SLC24A2: variants seen among roughly 807,000 people sequenced by gnomAD.
The protein encoded by SLC24A2 is sodium/potassium/calcium exchanger 2.
In SLC24A2, 36 loss-of-function variants were observed where a neutral mutation model predicts 62.0. The observed-to-expected ratio is 0.58, with a 90% CI of 0.44 to 0.77. The LOEUF is 0.77. SLC24A2 is among the 30% of genes least tolerant of loss of function. SLC24A2 has a pLI of 0.00. For synonymous variants in SLC24A2, 358 were observed against 294.0 expected (o/e 1.22, Z -2.23); for missense variants, 846 against 817.9 (o/e 1.03, Z -0.42).
chr9:20,258,331 G>C, the SLC24A2 span, among the ~76,000 whole-genome samples: 1 of 152,224 alleles, frequency 6.6e-6, no homozygotes, highest in African/African-American at 2.4e-5. Flanking sequence ...GAGAAACACA[G>C]GTGGTTTGGC....
At chr9:19,922,381 G>A in the SLC24A2 span, among the ~76,000 whole-genome samples, 1 of 152,106 alleles carries the variant, frequency 6.6e-6, no homozygotes, top group African/African-American at 2.4e-5. Context: ...TCTCTGATTT[G>A]CAGACATGCA....
the SLC24A2 span, among the ~76,000 whole-genome samples, chr9:19,837,979 A>C: frequency 6.6e-6 from 1 of 151,714 alleles, no homozygotes; most frequent in African/African-American, 2.4e-5. Context: ...ATATCGTGAA[A>C]ATGGCCATAC....
chr9:20,184,823 A>T, the SLC24A2 span, among the ~76,000 whole-genome samples: 1 of 152,176 alleles, frequency 6.6e-6, no homozygotes, highest in East Asian at 1.9e-4. Context: ...CTGCAGTGTT[A>T]TTCATGATAG....
the SLC24A2 span, among the ~76,000 whole-genome samples, chr9:20,237,000 C>T: frequency 2.0e-5 from 3 of 152,022 alleles, no homozygotes; most frequent in African/African-American, 7.2e-5. Flanking sequence ...AATAAGCAAG[C>T]AGAAGCCAGG....
At chr9:19,568,098 A>T (rs1403053259) in intron 7 of SLC24A2, among the ~76,000 whole-genome samples, 1 of 152,168 alleles carries the variant, frequency 6.6e-6, no homozygotes, top group Non-Finnish European at 1.5e-5. Flanking sequence ...TGCGCACCTC[A>T]CTCTTAACGG....
rs71335440 is a variant in SLC24A2, at chr9:19,642,671, CTTTT to C, written c.931-20376_931-20373del. On this transcript the variant is annotated intron_variant, in intron 2 of 10. Transcript: ENST00000341998. ...AGAATGGTTTATATGAGAGCGTATT[CTTTT>C]TTTTTTTTTTTTTTTTTTTTTTTGA... 2.7e-3 allele frequency among the ~76,000 whole-genome samples: 215 copies of C among 79,842 alleles called. 32 individuals carry two copies. Among genetic ancestry groups the C allele is most frequent in the Middle Eastern group, 0.016 (2 of 122 alleles). 52.4% of individuals were successfully genotyped at this position (79,842 alleles called of 152,430 possible). A position where few individuals can be genotyped will look rare whatever the true frequency, so the allele number is the denominator to read the frequency against.
the SLC24A2 span, among the ~76,000 whole-genome samples, chr9:20,092,954 T>C: frequency 1.3e-5 from 2 of 152,204 alleles, no homozygotes; most frequent in African/African-American, 4.8e-5. Context: ...TTCTTTTTTA[T>C]AGAATGAAAT....
At chr9:19,793,150 A>G (rs1483746965), upstream of SLC24A2, among the ~76,000 whole-genome samples, 1 of 152,242 alleles carries the variant, frequency 6.6e-6, no homozygotes, top group Non-Finnish European at 1.5e-5. Context: ...AAGGTGAGTC[A>G]ATCAGGAGGA....
chr9:20,099,055 A>C, the SLC24A2 span, among the ~76,000 whole-genome samples: 1 of 152,242 alleles, frequency 6.6e-6, no homozygotes, highest in Non-Finnish European at 1.5e-5. Flanking sequence ...CCAACAGAAC[A>C]AAAAGATAAA....
the SLC24A2 span, among the ~76,000 whole-genome samples, chr9:19,935,606 G>A: frequency 6.6e-6 from 1 of 152,222 alleles, no homozygotes; most frequent in Non-Finnish European, 1.5e-5. Context: ...TGTGTCCTCA[G>A]GACGAGGCTT....
At chr9:20,082,129 T>A in the SLC24A2 span, among the ~76,000 whole-genome samples, 1 of 152,212 alleles carries the variant, frequency 6.6e-6, no homozygotes, top group Non-Finnish European at 1.5e-5. Flanking sequence ...TAAGTCTCTG[T>A]TCCAGTTGAC....
At chr9:20,162,422 T>C in the SLC24A2 span, among the ~76,000 whole-genome samples, 1 of 151,960 alleles carries the variant, frequency 6.6e-6, no homozygotes, top group Non-Finnish European at 1.5e-5. Flanking sequence ...CTCCCAAGAC[T>C]AAACCAGGAA....
chr9:19,640,779 T>C (rs1818473222), intron 2 of SLC24A2, among the ~76,000 whole-genome samples: 1 of 152,222 alleles, frequency 6.6e-6, no homozygotes. Context: ...AGCTGGTTCA[T>C]GAGCTGTAGT....
the SLC24A2 span, among the ~76,000 whole-genome samples, chr9:20,171,240 C>G: frequency 6.6e-6 from 1 of 151,872 alleles, no homozygotes; most frequent in Admixed American, 6.6e-5. Flanking sequence ...GAAACAAATC[C>G]TGGAAACACA....
chr9:19,675,710 C>T (rs1457654141), intron 2 of SLC24A2, among the ~76,000 whole-genome samples: 1 of 152,120 alleles, frequency 6.6e-6, no homozygotes, highest in African/African-American at 2.4e-5. Flanking sequence ...ACCGTGCCCC[C>T]ACAAAAGCAC....
the SLC24A2 span, among the ~76,000 whole-genome samples, chr9:20,200,652 T>TG: frequency 1.1e-4 from 16 of 152,304 alleles, no homozygotes; most frequent in South Asian, 3.1e-3. Flanking sequence ...GCATCCTTCT[T>TG]GGGGGTCTCA....
chr9:19,786,150 A>G lies in SLC24A2; in HGVS notation c.717T>C (p.Phe239=). The G allele has an allele frequency of 6.2e-7, 1 of 1,614,208 alleles. No homozygotes were observed. Residue 239 remains phenylalanine (F), a synonymous_variant, in exon 2 of 11, where the codon TTT becomes TTC. Transcript: ENST00000341998. This position sits in a 1 kb window ranked among gnomAD's most constrained non-coding sequence, Gnocchi z 5.0. The part of the protein sequence containing the change: ...EILNLTWWPL[F]RDVSFYIVDL... ...CAACAATGTAGAAAGACACATCTCG[A>G]AAGAGCGGCCACCATGTCAGGTTTA...
chr9:19,545,395 TTTG>T (rs1343126842), intron 8 of SLC24A2, among the ~76,000 whole-genome samples: 32 of 152,024 alleles, frequency 2.1e-4, no homozygotes, highest in African/African-American at 6.8e-4. Context: ...CTCAGAGGAG[TTTG>T]TTATTACCCA....
chr9:19,651,082 T>A (rs2118158880), intron 2 of SLC24A2, among the ~76,000 whole-genome samples: 1 of 152,288 alleles, frequency 6.6e-6, no homozygotes, highest in East Asian at 1.9e-4. Context: ...CAAGCTCAGA[T>A]GTAGACCTAA....
Sources: gnomAD v4.1 joint callset for allele counts (sites outside exome capture counted in the v4.1 genomes callset) on GRCh38, gnomAD v4.1.1 for gene constraint, Gnocchi (gnomAD v3.1) non-coding constraint, MANE v1.5 for transcripts, NCBI Gene and HGNC (gene_info 2026-07-23, HGNC 2026-07-21) for gene names.